The following SLC35F1 variants were observed in gnomAD, a reference collection of about 807,000 sequenced individuals.
SLC35F1 encodes chromosome 6 open reading frame 169.
SLC35F1 carries 14 observed loss-of-function variants against 48.7 expected under a neutral mutation model. The observed-to-expected ratio is 0.29, with a 90% CI of 0.19 to 0.45. The LOEUF (loss-of-function observed/expected upper bound fraction) is 0.45, where lower values mean the gene tolerates loss of function less well. SLC35F1 is among the 20% of genes least tolerant of loss of function. The pLI is 1.00. For synonymous variants in SLC35F1, 190 were observed against 202.2 expected (o/e 0.94, Z 0.51); for missense variants, 404 against 500.0 (o/e 0.81, Z 1.83).
intron 1 of SLC35F1, among the ~76,000 whole-genome samples, chr6:117,988,510 A>C (rs1413126200): frequency 6.6e-6 from 1 of 152,178 alleles, no homozygotes; most frequent in Non-Finnish European, 1.5e-5. Flanking sequence ...CAGAGTTGAA[A>C]ACTTCCCAGA....
chr6:118,268,073 C>T (rs1183474997), intron 4 of SLC35F1, among the ~76,000 whole-genome samples: 2 of 152,118 alleles, frequency 1.3e-5, no homozygotes, highest in Non-Finnish European at 2.9e-5. Flanking sequence ...GACAAGGTCA[C>T]GTTAAGTCTC....
intron 3 of SLC35F1, among the ~76,000 whole-genome samples, chr6:118,258,225 C>T (rs1203669649): frequency 6.6e-6 from 1 of 152,078 alleles, no homozygotes; most frequent in East Asian, 1.9e-4. Context: ...CTCAGAAAAG[C>T]TAACAGTAGG....
chr6:117,960,760 CAA>C (rs1025757172), intron 1 of SLC35F1, among the ~76,000 whole-genome samples: 5 of 152,052 alleles, frequency 3.3e-5, no homozygotes, highest in African/African-American at 1.2e-4. Flanking sequence ...ATGGGAGAGA[CAA>C]AAGTCAGGTG....
intron 1 of SLC35F1, among the ~76,000 whole-genome samples, chr6:117,968,665 T>G (rs1318151911): frequency 6.6e-6 from 1 of 152,172 alleles, no homozygotes; most frequent in Non-Finnish European, 1.5e-5. Flanking sequence ...TACCCAATCT[T>G]TGGTATGTTT....
At chr6:118,297,628 A>ATATATAT (rs1554245915) in intron 7 of SLC35F1, among the ~76,000 whole-genome samples, 5,624 of 44,492 alleles carry the variant, frequency 0.13, 207 homozygotes, top group African/African-American at 0.22. Flanking sequence ...GAACTTATAT[A>ATATATAT]TATATATATA....
At chr6:117,953,350 AT>A (rs1369617364) in intron 1 of SLC35F1, among the ~76,000 whole-genome samples, 1 of 151,990 alleles carries the variant, frequency 6.6e-6, no homozygotes, top group Non-Finnish European at 1.5e-5. Flanking sequence ...TATTTGCTTT[AT>A]TTTTTATTGA....
intron 2 of SLC35F1, among the ~76,000 whole-genome samples, chr6:118,224,888 A>T (rs980091260): frequency 6.6e-6 from 1 of 152,140 alleles, no homozygotes; most frequent in Non-Finnish European, 1.5e-5. Context: ...TCCAATTTGG[A>T]TACCCTTTAT....
intron 3 of SLC35F1, among the ~76,000 whole-genome samples, chr6:118,265,335 T>A (rs936329636): frequency 6.6e-6 from 1 of 152,232 alleles, no homozygotes; most frequent in African/African-American, 2.4e-5. Flanking sequence ...CAATAACTCT[T>A]ATTGAATACT....
At chr6:117,961,153 G>A (rs1215090389) in intron 1 of SLC35F1, among the ~76,000 whole-genome samples, 1 of 151,952 alleles carries the variant, frequency 6.6e-6, no homozygotes, top group African/African-American at 2.4e-5. Flanking sequence ...CTCAGTACTT[G>A]GGCAGTTGCT....
chr6:118,308,261 T>G (rs1345094336), intron 7 of SLC35F1, among the ~76,000 whole-genome samples: 1 of 152,210 alleles, frequency 6.6e-6, no homozygotes, highest in Non-Finnish European at 1.5e-5. Flanking sequence ...ATGGTTAGCG[T>G]GCAAGTTGAT....
At chr6:118,251,612 T>G (rs2114603918) in intron 3 of SLC35F1, among the ~76,000 whole-genome samples, 1 of 152,296 alleles carries the variant, frequency 6.6e-6, no homozygotes, top group African/African-American at 2.4e-5. Flanking sequence ...ATGAGATTTG[T>G]AATTTAGCAA....
chr6:118,286,851 A>G (rs1337081430), intron 7 of SLC35F1, among the ~76,000 whole-genome samples: 2 of 151,114 alleles, frequency 1.3e-5, no homozygotes, highest in African/African-American at 4.9e-5. Flanking sequence ...TTCCTTCGCA[A>G]ATTTCAAGTA....
In SLC35F1 at chr6:118,284,938, A is replaced by C. The variant is rs546182477; in HGVS notation, c.848-246A>C. Among the ~76,000 whole-genome samples, 5 of 152,280 alleles carry C rather than the reference A, an allele frequency of 3.3e-5. No homozygotes were observed. In the South Asian group the frequency reaches 1.0e-3, roughly 32 times the overall value. ...TCGCCACTAAGAGGCACTCCTTCCC[A>C]GAAGAAGCAAAATGTCAGCAATGCA... On this transcript the variant is annotated intron_variant, in intron 6 of 7. Transcript: ENST00000360388.
chr6:118,022,896 G>T (rs985895798), intron 1 of SLC35F1, among the ~76,000 whole-genome samples: 1 of 151,942 alleles, frequency 6.6e-6, no homozygotes, highest in Non-Finnish European at 1.5e-5. Flanking sequence ...GACTACAGGC[G>T]TGTACCACTA....
In SLC35F1 at chr6:118,275,572, G is replaced by A; in HGVS notation, c.751G>A (p.Gly251Arg). Reference sequence around the variant, plus strand: ...AACTCTGAGCCGAGTGGAATTCCTGGGAATGATTGGTCTCTTTGGAGCATT... The same window carrying A: ...AACTCTGAGCCGAGTGGAATTCCTGAGAATGATTGGTCTCTTTGGAGCATT... ...IRTLSRVEFL[G>R]MIGLFGAFFS... Residue 251 changes from glycine to arginine, a missense_variant, in exon 5 of 8, where the codon GGA (glycine) becomes AGA (arginine). Coordinates refer to ENST00000360388, the MANE Select transcript of SLC35F1 (RefSeq NM_001029858.4). The A allele has an allele frequency of 6.2e-7, 1 of 1,613,814 alleles. No individual in the cohort carries two copies. Among genetic ancestry groups the A allele is most frequent in the Non-Finnish European group, 8.5e-7 (1 of 1,179,886 alleles).
chr6:118,011,727 A>G (rs909742847), intron 1 of SLC35F1, among the ~76,000 whole-genome samples: 51 of 152,162 alleles, frequency 3.4e-4, no homozygotes, highest in African/African-American at 1.2e-3. Context: ...GTGCTGCCCA[A>G]TTCCAAACAG....
chr6:118,115,623 C>T lies in SLC35F1; in HGVS notation c.174-38822C>T, dbSNP rs570945731. 1.5e-4 allele frequency among the ~76,000 whole-genome samples: 23 copies of T among 152,278 alleles called. No individual in the cohort carries two copies. In the South Asian group the frequency reaches 3.5e-3, roughly 23 times the overall value. On this transcript the variant is annotated intron_variant, in intron 1 of 7. Transcript: ENST00000360388. ...AGTATCCCTTTGAACCTGAGACTTA[C>T]GCAGCTCTGTATATGCAGTTCAGTT...
intron 2 of SLC35F1, among the ~76,000 whole-genome samples, chr6:118,166,479 G>A (rs764884408): frequency 8.5e-5 from 13 of 152,288 alleles, no homozygotes; most frequent in Admixed American, 2.0e-4. Flanking sequence ...TGTTAAACTC[G>A]GGATGATTAT....
intron 1 of SLC35F1, among the ~76,000 whole-genome samples, chr6:117,976,649 T>C (rs1776708901): frequency 6.6e-6 from 1 of 152,198 alleles, no homozygotes; most frequent in African/African-American, 2.4e-5. Flanking sequence ...CTTAGATTAA[T>C]CTATGTTGCT....
Sources: gnomAD v4.1 joint callset for allele counts (sites outside exome capture counted in the v4.1 genomes callset) on GRCh38, gnomAD v4.1.1 for gene constraint, MANE v1.5 for transcripts, NCBI Gene and HGNC (gene_info 2026-07-23, HGNC 2026-07-21) for gene names.